The following COL9A2 variants were observed in gnomAD, a reference collection of about 807,000 sequenced individuals.
COL9A2 encodes the protein collagen type IX alpha 2 chain.
A neutral mutation model predicts 111.6 loss-of-function variants in COL9A2; 66 were observed. The ratio of observed to expected loss-of-function variants is 0.59; its 90% CI spans 0.48 to 0.73. The LOEUF is 0.73. COL9A2 is among the 30% of genes least tolerant of loss of function. COL9A2 has a pLI of 0.00. For synonymous variants in COL9A2, 353 were observed against 364.1 expected (o/e 0.97, Z 0.35); for missense variants, 881 against 954.1 (o/e 0.92, Z 1.01).
chr1:40,302,356 C>T lies in COL9A2; in HGVS notation c.1792+265G>A, dbSNP rs978408938. ...GCTTTACTGCTCTGCTGGTCTGCCG[C>T]CCCATCTCTATTGACATGGAAAGAT... On this transcript the variant is annotated intron_variant, in intron 30 of 31. Transcript: ENST00000372748. The surrounding 1 kb of genome is among the most constrained non-coding windows in gnomAD (Gnocchi z 4.5). 6.6e-6 allele frequency among the ~76,000 whole-genome samples: 1 copy of T among 152,290 alleles called. No individual in the cohort carries two copies. The highest frequency in any genetic ancestry group is 2.4e-5 in the African/African-American group (1 of 41,556).
chr1:40,304,916 C>G, intron 21 of COL9A2, 69 bp from the exon 22 acceptor site: 1 of 1,362,608 alleles, frequency 7.3e-7, no homozygotes, highest in East Asian at 2.5e-5. Context: ...CCTGGCCAGC[C>G]CCTCCCTACC....
intron 21 of COL9A2, 104 bp from the exon 22 acceptor site, chr1:40,304,951 T>G: frequency 1.0e-6 from 1 of 968,772 alleles, no homozygotes; most frequent in Non-Finnish European, 1.5e-6. Flanking sequence ...ATTTGCTTCA[T>G]CAGGGAAGGT....
chr1:40,315,032 G>T (rs209919), intron 2 of COL9A2, among the ~76,000 whole-genome samples: 2,209 of 152,228 alleles, frequency 0.015, 35 homozygotes, highest in African/African-American at 0.033. Context: ...TGTTTGGGGG[G>T]TGGGGGCACC....
chr1:40,302,726 G>T lies in COL9A2; in HGVS notation c.1687C>A (p.Pro563Thr). 6.6e-7 allele frequency: 1 copy of T among 1,509,092 alleles called. No homozygotes were observed. The highest frequency in any genetic ancestry group is 1.2e-5 in the South Asian group (1 of 84,996). 93.5% of individuals were successfully genotyped at this position (1,509,092 alleles called of 1,614,324 possible). A position where few individuals can be genotyped will look rare whatever the true frequency, so the allele number is the denominator to read the frequency against. The change falls in exon 30 of 32, where the codon CCC becomes ACC. Residue 563 changes from proline to threonine, a missense_variant. By Grantham distance (38) the Pro-to-Thr change is conservative (BLOSUM62 -1). Coordinates refer to ENST00000372748, the MANE Select transcript of COL9A2 (RefSeq NM_001852.4). The surrounding 1 kb of genome is among the most constrained non-coding windows in gnomAD (Gnocchi z 4.5). Reference sequence around the variant, plus strand: ...CCCTGCTTGCCTGGGTACCCAGGGGGCCCAGGAGGTCCTGGAGGACCCATC... The same window carrying T: ...CCCTGCTTGCCTGGGTACCCAGGGGTCCCAGGAGGTCCTGGAGGACCCATC... ...GMMGPPGPPG[P>T]PGYPGKQGPH...
In COL9A2 at chr1:40,306,191, C is replaced by T. The variant is rs777905423; in HGVS notation, c.1009-4G>A. On this transcript the variant is annotated splice_region_variant and splice_polypyrimidine_tract_variant and intron_variant, in intron 19 of 31. Coordinates refer to ENST00000372748, the MANE Select transcript of COL9A2 (RefSeq NM_001852.4). ...TCCCAGGCTGGCCTGGCACACCCTG[C>T]AGAAAGAAGTTGAAGTCAGTTTCTG... The T allele has an allele frequency of 9.3e-6, 15 of 1,614,208 alleles. No individual in the cohort carries two copies. Among genetic ancestry groups the T allele is most frequent in the Non-Finnish European group, 1.3e-5 (15 of 1,180,040 alleles).
At position 40,314,238 on chromosome 1, in the gene COL9A2, C is replaced by T; in HGVS notation, c.216G>A (p.Gly72=). Residue 72 remains glycine (G), a synonymous_variant, in exon 4 of 32, where the codon GGG becomes GGA. Coordinates refer to ENST00000372748, the MANE Select transcript of COL9A2 (RefSeq NM_001852.4). The surrounding 1 kb of genome is among the most constrained non-coding windows in gnomAD (Gnocchi z 4.1). ...CGGGCTTCCCGTCTGGCCCATCTGG[C>T]CCAGCTTTGCCAGGCTCGCCCTTGG... The part of the protein sequence containing the change: ...PGPKGEPGKA[G]PDGPDGKPGI... 6.2e-7 allele frequency: 1 copy of T among 1,614,240 alleles called. No homozygotes were observed. The highest frequency in any genetic ancestry group is 8.5e-7 in the Non-Finnish European group (1 of 1,180,044).
chr1:40,305,922 C>T (rs539850315), intron 20 of COL9A2, among the ~76,000 whole-genome samples, 154 bp from the exon 21 acceptor site: 2 of 152,334 alleles, frequency 1.3e-5, no homozygotes, highest in African/African-American at 4.8e-5. Flanking sequence ...CCTGATTTTC[C>T]TGTTTGTTTC....
Position 40,303,959 on chromosome 1 carries a change from A to C in COL9A2, c.1337T>G (p.Val446Gly). 14 of 1,563,080 alleles carry C rather than the reference A, an allele frequency of 9.0e-6. No homozygotes were observed. Among genetic ancestry groups the C allele is most frequent in the Non-Finnish European group, 1.2e-5 (14 of 1,153,316 alleles). Residue 446 changes from valine (V) to glycine (G), a missense_variant, in exon 26 of 32, where the codon GTG (valine) becomes GGG (glycine). Physicochemically the swap from Val to Gly is moderately radical, Grantham distance 109. Transcript: ENST00000372748. This position sits in a 1 kb window ranked among gnomAD's most constrained non-coding sequence, Gnocchi z 4.6. ...GPRGKVGDPG[V>G]AGLPGEKGEK... ...GCCTTTCTCTCCGGGGAGGCCGGCC[A>C]CCCCTGGGTCACCCTGCAGAGAGAA...
rs772083506 is a variant in COL9A2, at chr1:40,312,650, C to G, written c.304-41G>C. The G allele has an allele frequency of 3.1e-6, 5 of 1,608,750 alleles. No homozygotes were observed. In the South Asian group the frequency reaches 3.3e-5, roughly 11 times the overall value. On this transcript the variant is annotated intron_variant, in intron 5 of 31. Coordinates refer to ENST00000372748, the MANE Select transcript of COL9A2 (RefSeq NM_001852.4). This position sits in a 1 kb window ranked among gnomAD's most constrained non-coding sequence, Gnocchi z 6.0. ...GAAAGGCTCAGAGGCTGGGGTTTCC[C>G]CGGCTCCTACTTCCTCTCTACAGCC...
chr1:40,305,954 C>T (rs1644023256), intron 20 of COL9A2, among the ~76,000 whole-genome samples, 186 bp from the exon 21 acceptor site: 2 of 152,238 alleles, frequency 1.3e-5, no homozygotes, highest in South Asian at 4.1e-4. Context: ...TTAAGCCATG[C>T]CATCCTATCT....
intron 20 of COL9A2, 102 bp from the exon 21 acceptor site, chr1:40,305,870 T>C (rs771834637): frequency 2.9e-6 from 3 of 1,043,134 alleles, no homozygotes; most frequent in Non-Finnish European, 1.5e-6. Context: ...CCAGATGAGC[T>C]GGGACGGGGG....
At chr1:40,304,580 C>T (rs751524605) in intron 22 of COL9A2, 51 bp from the exon 23 acceptor site, 10 of 1,604,470 alleles carry the variant, frequency 6.2e-6, no homozygotes, top group Non-Finnish European at 8.5e-6. Context: ...GCAGGGGTAG[C>T]CTCCCGCACC....
rs570851579 is a variant in COL9A2 at position 40,311,907 on chromosome 1, C to G, written c.417+152G>C. 3.0e-6 allele frequency: 3 copies of G among 991,558 alleles called. No individual in the cohort carries two copies. The East Asian group carries it at 7.8e-5, about 26-fold the overall frequency. The allele number at this position is 991,558 out of a possible 1,614,324, so 61.4% of individuals were successfully genotyped here. A position where few individuals can be genotyped will look rare whatever the true frequency, so the allele number is the denominator to read the frequency against. Reference sequence around the variant, plus strand: ...GCGGCGTCCCTAAAAGACCTAGTGCCGGGTGGGCTCATAGGAGGGGTTTCT... The same window carrying G: ...GCGGCGTCCCTAAAAGACCTAGTGCGGGGTGGGCTCATAGGAGGGGTTTCT... On this transcript the variant is annotated intron_variant, in intron 8 of 31. Transcript: ENST00000372748. This position sits in a 1 kb window ranked among gnomAD's most constrained non-coding sequence, Gnocchi z 5.1.
rs895693594 is a variant in COL9A2 at position 40,302,873 on chromosome 1, G to A, written c.1604-64C>T. The A allele has an allele frequency of 7.4e-6, 11 of 1,477,240 alleles. No individual in the cohort carries two copies. Among genetic ancestry groups the A allele is most frequent in the Non-Finnish European group, 1.0e-5 (11 of 1,089,528 alleles). The allele number at this position is 1,477,240 out of a possible 1,614,324, so 91.5% of individuals were successfully genotyped here. A position where few individuals can be genotyped will look rare whatever the true frequency, so the allele number is the denominator to read the frequency against. On this transcript the variant is annotated intron_variant, in intron 29 of 31. Transcript: ENST00000372748. This position sits in a 1 kb window ranked among gnomAD's most constrained non-coding sequence, Gnocchi z 4.5. The stretch of plus-strand genomic sequence containing the variant: ...GAGATGGGTGTCAGCAGTAACACTA[G>A]GGGAGGCAGAGCATTCCGATGGGCC...
At position 40,303,833 on chromosome 1, in the gene COL9A2, A is replaced by T. The variant is rs971839108; in HGVS notation, c.1375T>A (p.Ser459Thr). 7 of 1,556,360 alleles carry T rather than the reference A, an allele frequency of 4.5e-6. No individual in the cohort carries two copies. The highest frequency in any genetic ancestry group is 5.2e-6 in the Non-Finnish European group (6 of 1,151,962). The change falls in exon 27 of 32, where the codon TCC becomes ACC. Residue 459 changes from serine to threonine, a missense_variant. Transcript: ENST00000372748. This position sits in a 1 kb window ranked among gnomAD's most constrained non-coding sequence, Gnocchi z 4.6. ...LPGEKGEKGE[S>T]GEPGPKGQQG... is the part of the protein sequence containing the mutation. ...TGTCCCTTGGGCCCCGGCTCGCCGG[A>T]CTCGCCCTGCAGGCACAAGGAGCAG...
intron 31 of COL9A2, 49 bp from the exon 32 acceptor site, chr1:40,301,430 C>T (rs1451585865): frequency 1.3e-6 from 2 of 1,534,680 alleles, no homozygotes; most frequent in Non-Finnish European, 1.8e-6. Flanking sequence ...TTGTCTCAGG[C>T]CCAGAATTTT....
rs746947007 is a variant in COL9A2 at position 40,312,833 on chromosome 1, G to A, written c.250-49C>T. On this transcript the variant is annotated intron_variant, in intron 4 of 31. Coordinates refer to ENST00000372748, the MANE Select transcript of COL9A2 (RefSeq NM_001852.4). This position sits in a 1 kb window ranked among gnomAD's most constrained non-coding sequence, Gnocchi z 6.0. The stretch of plus-strand genomic sequence containing the variant: ...ATCAATGAGGGCCAACCTGCTCCCT[G>A]ACCCACAGAGCAGGGCAGGTTCAAG... 6.6e-7 allele frequency: 1 copy of A among 1,516,634 alleles called. No homozygotes were observed. 93.9% of individuals were successfully genotyped at this position (1,516,634 alleles called of 1,614,324 possible).
At position 40,310,144 on chromosome 1, in the gene COL9A2, G is replaced by A. The variant is rs757575585; in HGVS notation, c.759C>T (p.Gly253=). ...CAGTGGCACCGATAGCGCCCACCAT[G>A]CCTTTATATCCATGAGGGCCCTGGG... is the stretch of plus-strand genomic sequence containing the variant. ...KGETGPHGYK[G]MVGAIGATGP... Residue 253 remains glycine, a synonymous_variant, in exon 15 of 32, where the codon GGC becomes GGT. Coordinates refer to ENST00000372748, the MANE Select transcript of COL9A2 (RefSeq NM_001852.4). The surrounding 1 kb of genome is among the most constrained non-coding windows in gnomAD (Gnocchi z 4.9). The A allele has an allele frequency of 2.5e-6, 4 of 1,614,022 alleles. No individual in the cohort carries two copies. The South Asian group carries it at 4.4e-5, about 18-fold the overall frequency.
At chr1:40,301,960 TC>T (rs1181157635) in intron 30 of COL9A2, 71 bp from the exon 31 acceptor site, 1 of 1,438,006 alleles carries the variant, frequency 7.0e-7, no homozygotes, top group African/African-American at 1.4e-5. Flanking sequence ...TTGCTATGTT[TC>T]ACGCAAAGAA....
Sources: gnomAD v4.1 joint callset for allele counts (sites outside exome capture counted in the v4.1 genomes callset) on GRCh38, gnomAD v4.1.1 for gene constraint, Gnocchi (gnomAD v3.1) non-coding constraint, MANE v1.5 for transcripts, NCBI Gene and HGNC (gene_info 2026-07-23, HGNC 2026-07-21) for gene names.